EXT2: variants seen among roughly 807,000 people sequenced by gnomAD.
EXT2 encodes the protein exostosin glycosyltransferase 2.
Under a neutral mutation model 81.6 loss-of-function variants are expected in EXT2, and 53 were observed. The ratio of observed to expected loss-of-function variants is 0.65; its 90% CI spans 0.52 to 0.82. The LOEUF is 0.82. EXT2 is among the 40% of genes least tolerant of loss of function. The pLI, the probability that EXT2 is intolerant of heterozygous loss-of-function variation, is 0.00. For synonymous variants in EXT2, 320 were observed against 340.0 expected (o/e 0.94, Z 0.65); for missense variants, 774 against 910.2 (o/e 0.85, Z 1.93).
intron 7 of EXT2, among the ~76,000 whole-genome samples, chr11:44,143,561 T>G (rs1234380994): frequency 6.6e-6 from 1 of 152,124 alleles, no homozygotes; most frequent in East Asian, 1.9e-4. Flanking sequence ...CAAGTGTAGC[T>G]CCCTCTTTTC....
At chr11:44,221,062 A>T (rs1388012025) in intron 10 of EXT2, among the ~76,000 whole-genome samples, 1 of 152,226 alleles carries the variant, frequency 6.6e-6, no homozygotes, top group East Asian at 1.9e-4. Context: ...TTGTTTATAT[A>T]GCCATTAATG....
At chr11:44,206,646 T>A in intron 9 of EXT2, 147 bp from the exon 10 acceptor site, 1 of 755,336 alleles carries the variant, frequency 1.3e-6, no homozygotes, top group South Asian at 1.8e-5. Context: ...TCTGTGAGAA[T>A]CTCCCCTGAC....
intron 8 of EXT2, among the ~76,000 whole-genome samples, chr11:44,178,637 C>T (rs955551428): frequency 6.6e-6 from 1 of 152,130 alleles, no homozygotes; most frequent in Non-Finnish European, 1.5e-5. Context: ...ATGTATGAAG[C>T]AGAACTCTAA....
chr11:44,175,895 C>A (rs962611128), intron 8 of EXT2, among the ~76,000 whole-genome samples: 2 of 152,098 alleles, frequency 1.3e-5, no homozygotes, highest in Admixed American at 1.3e-4. Context: ...TAGATTGTTT[C>A]TCATCTGTAA....
intron 8 of EXT2, among the ~76,000 whole-genome samples, chr11:44,182,732 T>C (rs1955253024): frequency 6.6e-6 from 1 of 152,196 alleles, no homozygotes; most frequent in African/African-American, 2.4e-5. Flanking sequence ...AAATACTTCT[T>C]ATACAAAATC....
intron 9 of EXT2, among the ~76,000 whole-genome samples, chr11:44,199,462 T>C (rs1463967919): frequency 5.9e-5 from 9 of 152,232 alleles, no homozygotes; most frequent in Admixed American, 5.9e-4. Flanking sequence ...TCTCATTGGG[T>C]CTGGAGTGGC....
intron 3 of EXT2, among the ~76,000 whole-genome samples, chr11:44,112,411 C>G (rs1954158146): frequency 6.6e-6 from 1 of 152,154 alleles, no homozygotes; most frequent in Non-Finnish European, 1.5e-5. Context: ...CAGTCTCTTG[C>G]AGCTTTGGAA....
intron 9 of EXT2, among the ~76,000 whole-genome samples, chr11:44,204,713 A>G (rs554242525): frequency 6.6e-6 from 1 of 152,294 alleles, no homozygotes; most frequent in Non-Finnish European, 1.5e-5. Flanking sequence ...CAAGGGATCT[A>G]GGTTGCACGC....
intron 7 of EXT2, among the ~76,000 whole-genome samples, chr11:44,139,374 A>G (rs1347671920): frequency 6.6e-6 from 1 of 152,106 alleles, no homozygotes; most frequent in African/African-American, 2.4e-5. Context: ...AGTTAGAATC[A>G]GAATAGATGT....
chr11:44,194,005 G>A (rs1356516536), intron 8 of EXT2, among the ~76,000 whole-genome samples: 1 of 152,206 alleles, frequency 6.6e-6, no homozygotes, highest in Non-Finnish European at 1.5e-5. Flanking sequence ...CTGGTTCCAT[G>A]TCCCTGGCAG....
chr11:44,241,642 A>G (rs748319497), intron 13 of EXT2, among the ~76,000 whole-genome samples: 4 of 152,100 alleles, frequency 2.6e-5, no homozygotes, highest in Non-Finnish European at 5.9e-5. Context: ...AAAATAGAAA[A>G]CCATTAGTTC....
chr11:44,126,338 GA>G (rs1314532695), intron 5 of EXT2, among the ~76,000 whole-genome samples: 3 of 152,228 alleles, frequency 2.0e-5, no homozygotes, highest in African/African-American at 4.8e-5. Context: ...ATGGGGGGTA[GA>G]AACATGAAAA....
chr11:44,128,558 A>G (rs1954442964), intron 6 of EXT2, among the ~76,000 whole-genome samples: 1 of 152,216 alleles, frequency 6.6e-6, no homozygotes, highest in Admixed American at 6.5e-5. Flanking sequence ...AAATCCTGTG[A>G]TGAGACAGCT....
At position 44,250,929 on chromosome 11, in the gene EXT2, C is replaced by T. The variant is rs1391559145; in HGVS notation, c.*6642C>T. Among the ~76,000 whole-genome samples, 4 of 152,278 alleles carry T rather than the reference C, an allele frequency of 2.6e-5. No homozygotes were observed. The highest frequency in any genetic ancestry group is 6.5e-5 in the Admixed American group (1 of 15,294). ...TAACAGCCACAATTGAGGTAATTAA[C>T]GAAAATTGTACATTGGTGGCAGCAC... On this transcript the variant is annotated 3_prime_UTR_variant, in exon 14 of 14. Transcript: ENST00000533608.
At chr11:44,215,765 C>G (rs1955710253) in intron 10 of EXT2, among the ~76,000 whole-genome samples, 1 of 151,852 alleles carries the variant, frequency 6.6e-6, no homozygotes, top group African/African-American at 2.4e-5. Flanking sequence ...ACAGTATTTA[C>G]TATATGAGAA....
At chr11:44,231,326 G>C (rs542994515) in intron 10 of EXT2, among the ~76,000 whole-genome samples, 1 of 152,120 alleles carries the variant, frequency 6.6e-6, no homozygotes, top group Non-Finnish European at 1.5e-5. Flanking sequence ...GCAACTGGCC[G>C]GATGATTTAT....
Position 44,248,917 on chromosome 11 carries a change from G to A in EXT2, c.*4630G>A, listed in dbSNP as rs1217276019. On this transcript the variant is annotated 3_prime_UTR_variant, in exon 14 of 14. Coordinates refer to ENST00000533608, the MANE Select transcript of EXT2 (RefSeq NM_207122.2). ...AGAAATAGTTGAGTCACCAGCATCT[G>A]TATCTGGCATTTTGTTTCTTCACAT... Among the ~76,000 whole-genome samples the A allele has an allele frequency of 6.6e-6, 1 of 152,164 alleles. No individual in the cohort carries two copies. Among genetic ancestry groups the A allele is most frequent in the African/African-American group, 2.4e-5 (1 of 41,436 alleles).
At chr11:44,194,156 G>A (rs944643129) in intron 8 of EXT2, among the ~76,000 whole-genome samples, 2 of 152,186 alleles carry the variant, frequency 1.3e-5, no homozygotes, top group Admixed American at 6.5e-5. Context: ...AAGTGTGTTG[G>A]CATTCTCCCC....
chr11:44,171,623 T>C lies in EXT2; in HGVS notation c.1186T>C (p.Trp396Arg). 1 of 1,614,210 alleles carries C rather than the reference T, an allele frequency of 6.2e-7. No homozygotes were observed. The highest frequency in any genetic ancestry group is 8.5e-7 in the Non-Finnish European group (1 of 1,180,032). Residue 396 changes from tryptophan (W) to arginine (R), a missense_variant, in exon 8 of 14, where the codon TGG (tryptophan) becomes CGG (arginine). Physicochemically the swap from Trp to Arg is moderately radical, Grantham distance 101. Transcript: ENST00000533608. ...ATTTTCTTTATAGGCCCGGTGGTTCTGGGAAGCGTACTTCCAGTCAATTAA... is the reference window on the plus strand; with the variant it reads ...ATTTTCTTTATAGGCCCGGTGGTTCCGGGAAGCGTACTTCCAGTCAATTAA... ...EEMQRQARWF[W>R]EAYFQSIKAI...
Sources: allele counts gnomAD v4.1 joint callset (sites outside exome capture counted in the v4.1 genomes callset), GRCh38; gene constraint gnomAD v4.1.1; transcripts MANE v1.5; gene names NCBI Gene and HGNC (gene_info 2026-07-23, HGNC 2026-07-21).